The following COMMD1 variants were observed in gnomAD, a reference collection of about 807,000 sequenced individuals.
COMMD1 encodes the protein COMM domain-containing protein 1.
COMMD1 carries 10 observed loss-of-function variants against 17.2 expected under a neutral mutation model. That is an observed-to-expected ratio of 0.58 (90% CI 0.36 to 0.99). The LOEUF is 0.99. Among genes scored for constraint, COMMD1 ranks in the 50% least tolerant of loss-of-function variants. The probability of loss-of-function intolerance (pLI) is 0.01; values close to 1 mark genes in which losing one functional copy is unlikely to be tolerated. For synonymous variants in COMMD1, 97 were observed against 91.6 expected (o/e 1.06, Z -0.34); for missense variants, 270 against 231.8 (o/e 1.17, Z -1.07).
intron 1 of COMMD1, among the ~76,000 whole-genome samples, chr2:61,912,304 A>G (rs1158379481): frequency 6.6e-6 from 1 of 152,226 alleles, no homozygotes; most frequent in Non-Finnish European, 1.5e-5. Context: ...GGAGATTGCT[A>G]TTAAAAAGAT....
intron 1 of COMMD1, among the ~76,000 whole-genome samples, chr2:61,993,019 C>T (rs1672290046): frequency 6.6e-6 from 1 of 151,174 alleles, no homozygotes; most frequent in South Asian, 2.1e-4. Flanking sequence ...CTACTGCTAA[C>T]TATATTATGT....
At chr2:62,061,304 G>A (rs114816201) in intron 2 of COMMD1, among the ~76,000 whole-genome samples, 1,837 of 152,186 alleles carry the variant, frequency 0.012, 41 homozygotes, top group African/African-American at 0.043. Context: ...GTAGATATAT[G>A]GATTCTGTTA....
At chr2:62,084,454 C>T (rs1385201930) in intron 2 of COMMD1, among the ~76,000 whole-genome samples, 2 of 152,132 alleles carry the variant, frequency 1.3e-5, no homozygotes, top group Non-Finnish European at 2.9e-5. Flanking sequence ...AGTAGATCCT[C>T]ATAAAGCTCT....
At chr2:62,033,846 G>A (rs1006829915) in intron 2 of COMMD1, among the ~76,000 whole-genome samples, 2 of 151,572 alleles carry the variant, frequency 1.3e-5, no homozygotes, top group South Asian at 4.2e-4. Flanking sequence ...ACAGTGGCTT[G>A]TGCCTGTGAT....
chr2:62,107,284 G>A (rs1002972175), intron 2 of COMMD1, among the ~76,000 whole-genome samples: 3 of 152,192 alleles, frequency 2.0e-5, no homozygotes, highest in African/African-American at 7.2e-5. Flanking sequence ...GTAATGGTGA[G>A]GGTCACTAGC....
At position 62,135,929 on chromosome 2, in the gene COMMD1, C is replaced by T. The variant is rs1461161628; in HGVS notation, c.561C>T (p.Ser187=). Residue 187 remains serine (S), a synonymous_variant, in exon 3 of 3, where the codon AGC becomes AGT. Coordinates refer to ENST00000311832, the MANE Select transcript of COMMD1 (RefSeq NM_152516.4). ...EVEESISTLI[S]QPN ...AAGAAAGTATCAGCACACTGATCAG[C>T]CAGCCTAACTGAAGATGATGTATGA... The T allele has an allele frequency of 6.4e-7, 1 of 1,568,976 alleles. No individual in the cohort carries two copies. The highest frequency in any genetic ancestry group is 8.8e-7 in the Non-Finnish European group (1 of 1,138,892).
chr2:62,032,818 T>C (rs1358378604), intron 2 of COMMD1, among the ~76,000 whole-genome samples: 1 of 152,214 alleles, frequency 6.6e-6, no homozygotes, highest in African/African-American at 2.4e-5. Flanking sequence ...TTGTCTAGGC[T>C]GGAGTGCAAT....
At chr2:62,089,127 C>A (rs554981215) in intron 2 of COMMD1, among the ~76,000 whole-genome samples, 3 of 152,094 alleles carry the variant, frequency 2.0e-5, no homozygotes, top group African/African-American at 7.2e-5. Context: ...ACAAATGTTT[C>A]CAAAAGGTAC....
At chr2:62,046,007 G>A (rs1457343683) in intron 2 of COMMD1, among the ~76,000 whole-genome samples, 1 of 152,118 alleles carries the variant, frequency 6.6e-6, no homozygotes, top group Non-Finnish European at 1.5e-5. Flanking sequence ...AAAGTGCTGG[G>A]ATTCCAGGCA....
At chr2:62,067,469 G>A (rs1403622106) in intron 2 of COMMD1, among the ~76,000 whole-genome samples, 1 of 152,130 alleles carries the variant, frequency 6.6e-6, no homozygotes, top group Non-Finnish European at 1.5e-5. Flanking sequence ...TCAAGTTAAA[G>A]GGGAGAAAAA....
At chr2:62,133,739 G>A (rs1673107659) in intron 2 of COMMD1, among the ~76,000 whole-genome samples, 1 of 152,100 alleles carries the variant, frequency 6.6e-6, no homozygotes, top group Non-Finnish European at 1.5e-5. Context: ...ATTTTACTAA[G>A]GTTTGGGCAG....
chr2:62,135,124 C>T (rs1433651377), intron 2 of COMMD1, among the ~76,000 whole-genome samples: 1 of 152,110 alleles, frequency 6.6e-6, no homozygotes, highest in African/African-American at 2.4e-5. Flanking sequence ...GCTGAGAGTT[C>T]CCACAGTCTG....
At chr2:62,103,461 G>T (rs34012279) in intron 2 of COMMD1, among the ~76,000 whole-genome samples, 26,810 of 152,092 alleles carry the variant, frequency 0.18, 2,607 homozygotes, top group Admixed American at 0.25. Flanking sequence ...CTTTCAGAGG[G>T]CCCTTGGCCC....
intron 2 of COMMD1, among the ~76,000 whole-genome samples, chr2:62,076,592 C>G (rs1671341806): frequency 6.6e-6 from 1 of 152,006 alleles, no homozygotes; most frequent in Non-Finnish European, 1.5e-5. Flanking sequence ...ACTAAAAACA[C>G]AAAAACTAGC....
chr2:62,050,744 A>G (rs1021974682), intron 2 of COMMD1, among the ~76,000 whole-genome samples: 1 of 152,234 alleles, frequency 6.6e-6, no homozygotes, highest in Non-Finnish European at 1.5e-5. Context: ...CTAAAATGAG[A>G]AAAGTCTGTC....
intron 2 of COMMD1, among the ~76,000 whole-genome samples, chr2:62,018,106 C>T (rs1045896809): frequency 4.0e-5 from 6 of 151,838 alleles, no homozygotes; most frequent in East Asian, 1.9e-4. Flanking sequence ...CAGGCCCATA[C>T]GCATCTTTTC....
intron 2 of COMMD1, among the ~76,000 whole-genome samples, chr2:62,099,455 A>G (rs939680368): frequency 2.6e-5 from 4 of 152,284 alleles, no homozygotes; most frequent in Admixed American, 6.5e-5. Flanking sequence ...TCCTATTTAC[A>G]TAAATACTCG....
chr2:62,099,697 T>C (rs1245808155), intron 2 of COMMD1, among the ~76,000 whole-genome samples: 2 of 151,942 alleles, frequency 1.3e-5, no homozygotes, highest in Admixed American at 6.6e-5. Context: ...CCCTCTTACG[T>C]GTCTCAGTTT....
At chr2:61,982,331 AT>A (rs767067035) in intron 1 of COMMD1, among the ~76,000 whole-genome samples, 8 of 152,102 alleles carry the variant, frequency 5.3e-5, no homozygotes, top group Non-Finnish European at 8.8e-5. Context: ...TGATTTTCGT[AT>A]GTTAATTTTG....
Sources: allele counts gnomAD v4.1 joint callset (sites outside exome capture counted in the v4.1 genomes callset), GRCh38; gene constraint gnomAD v4.1.1; transcripts MANE v1.5; gene names NCBI Gene and HGNC (gene_info 2026-07-23, HGNC 2026-07-21).